MACF1: variants seen among roughly 807,000 people sequenced by gnomAD.
The protein encoded by MACF1 is microtubule-actin cross-linking factor 1.
In MACF1, 193 loss-of-function variants were observed where a neutral mutation model predicts 854.8. That is an observed-to-expected ratio of 0.23 (90% CI 0.20 to 0.25). The LOEUF (loss-of-function observed/expected upper bound fraction) is 0.25. MACF1 is among the 10% of genes least tolerant of loss of function. MACF1 has a pLI of 1.00. For synonymous variants in MACF1, 3,185 were observed against 3,226.7 expected, an observed-to-expected ratio of 0.99 and a Z score of 0.44; for missense variants, 7,722 against 8,929.1, an observed-to-expected ratio of 0.86 and a Z score of 5.45.
intron 6 of MACF1, among the ~76,000 whole-genome samples, chr1:39,280,407 G>A (rs1287849830): frequency 6.6e-6 from 1 of 152,074 alleles, no homozygotes; most frequent in Non-Finnish European, 1.5e-5. Context: ...GTTTCTGCTT[G>A]ACACGTCCAG....
chr1:39,129,207 A>C (rs1210327389), intron 2 of MACF1, among the ~76,000 whole-genome samples: 1 of 152,178 alleles, frequency 6.6e-6, no homozygotes, highest in Admixed American at 6.5e-5. Flanking sequence ...CGTAAATGAA[A>C]TACTTGTGCA....
At chr1:39,403,350 C>T (rs1020482559) in intron 58 of MACF1, among the ~76,000 whole-genome samples, 3 of 152,122 alleles carry the variant, frequency 2.0e-5, no homozygotes, top group African/African-American at 7.2e-5. Context: ...CTGCCTGTCT[C>T]GGCCTCCCAA....
chr1:39,403,997 TGTG>T (rs1008607140), intron 58 of MACF1, among the ~76,000 whole-genome samples: 2 of 151,878 alleles, frequency 1.3e-5, no homozygotes, highest in Non-Finnish European at 2.9e-5. Context: ...GGTGTGGTGG[TGTG>T]TGCCTGTAAT....
At position 39,331,955 on chromosome 1, in the gene MACF1, T is replaced by C; in HGVS notation, c.5367T>C (p.Ala1789=). ...RTGHRLTVEE[A]VRHNLIDQDM... ...GACACAGACTTACAGTGGAAGAGGC[T>C]GTAAGACATAATCTGATTGACCAAG... Residue 1789 remains alanine (A), a synonymous_variant, in exon 37 of 101, where the codon GCT becomes GCC. Transcript: ENST00000564288. The C allele has an allele frequency of 2.5e-6, 4 of 1,614,142 alleles. No individual in the cohort carries two copies. The highest frequency in any genetic ancestry group is 3.4e-6 in the Non-Finnish European group (4 of 1,180,020).
chr1:39,234,827 G>A (rs1444386984), intron 2 of MACF1, among the ~76,000 whole-genome samples: 2 of 42,830 alleles, frequency 4.7e-5, no homozygotes, highest in Non-Finnish European at 1.6e-4. Context: ...CCTCCCAGAC[G>A]GGGTCGCGGC....
At chr1:39,477,071 A>ATATACACTTAGTG (rs1557674951) in intron 97 of MACF1, among the ~76,000 whole-genome samples, 3 of 16,810 alleles carry the variant, frequency 1.8e-4, no homozygotes, top group Admixed American at 6.8e-4. Flanking sequence ...ATATATATAT[A>ATATACACTTAGTG]TATATATATA....
chr1:39,115,025 G>A (rs1366647328), intron 2 of MACF1, among the ~76,000 whole-genome samples: 1 of 152,124 alleles, frequency 6.6e-6, no homozygotes, highest in African/African-American at 2.4e-5. Context: ...TGTGAGGGAA[G>A]GAGAGATGAG....
At chr1:39,319,774 C>T (rs781556739) in intron 31 of MACF1, 27 bp downstream of exon 31, 11 of 1,496,046 alleles carry the variant, frequency 7.4e-6, no homozygotes, top group Non-Finnish European at 1.0e-5. Context: ...CCAAAAAGAA[C>T]ATGAATCATC....
At chr1:39,216,030 G>A (rs1369285261) in intron 1 of MACF1, among the ~76,000 whole-genome samples, 1 of 152,128 alleles carries the variant, frequency 6.6e-6, no homozygotes, top group African/African-American at 2.4e-5. Context: ...TTTAAGTAAT[G>A]TCCTGTGGCC....
intron 58 of MACF1, among the ~76,000 whole-genome samples, chr1:39,415,002 A>G (rs1251242363): frequency 6.6e-6 from 1 of 152,226 alleles, no homozygotes; most frequent in Non-Finnish European, 1.5e-5. Flanking sequence ...CATTTAAGGT[A>G]CCAAGCGTAT....
At chr1:39,405,116 G>A (rs915579050) in intron 58 of MACF1, among the ~76,000 whole-genome samples, 1 of 152,136 alleles carries the variant, frequency 6.6e-6, no homozygotes, top group Non-Finnish European at 1.5e-5. Flanking sequence ...ATGGGTTCAC[G>A]AGTACATGAG....
chr1:39,287,180 A>T, intron 14 of MACF1, 106 bp from the exon 15 acceptor site: 1 of 1,258,256 alleles, frequency 7.9e-7, no homozygotes, highest in Non-Finnish European at 1.1e-6. Flanking sequence ...AGGCTGGCTC[A>T]TTTTTATTTT....
intron 2 of MACF1, among the ~76,000 whole-genome samples, chr1:39,139,823 C>T (rs778510851): frequency 2.0e-5 from 3 of 152,102 alleles, no homozygotes; most frequent in Non-Finnish European, 2.9e-5. Context: ...AAAATGTTTT[C>T]ACATGTATTA....
chr1:39,230,825 A>C (rs990230920), intron 1 of MACF1, among the ~76,000 whole-genome samples: 1 of 152,142 alleles, frequency 6.6e-6, no homozygotes, highest in African/African-American at 2.4e-5. Flanking sequence ...GTGTGTCCCA[A>C]ATGCCAAGGC....
intron 58 of MACF1, chr1:39,410,188 A>C (rs878983239): frequency 2.3e-5 from 25 of 1,079,382 alleles, no homozygotes; most frequent in Non-Finnish European, 3.2e-5. Flanking sequence ...AGGATTTATA[A>C]CTTATGTAGA....
At chr1:39,341,800 A>G (rs998294414) in intron 40 of MACF1, among the ~76,000 whole-genome samples, 2 of 151,034 alleles carry the variant, frequency 1.3e-5, no homozygotes, top group East Asian at 1.9e-4. Flanking sequence ...GTTATTATCA[A>G]TCTCATCCTC....
At chr1:39,170,717 G>A (rs2148220637) in intron 2 of MACF1, among the ~76,000 whole-genome samples, 1 of 152,330 alleles carries the variant, frequency 6.6e-6, no homozygotes, top group East Asian at 1.9e-4. Flanking sequence ...AGTAAATAAA[G>A]CAAAGTCCTT....
chr1:39,434,522 A>G lies in MACF1; in HGVS notation c.17674A>G (p.Thr5892Ala), dbSNP rs1166113304. The G allele has an allele frequency of 6.2e-7, 1 of 1,614,128 alleles. No individual in the cohort carries two copies. Among genetic ancestry groups the G allele is most frequent in the Non-Finnish European group, 8.5e-7 (1 of 1,180,032 alleles). The change falls in exon 69 of 101, where the codon ACT (threonine) becomes GCT (alanine). Residue 5892 changes from threonine to alanine, a missense_variant. Thr to Ala is a moderately conservative substitution (Grantham distance 58). This residue lies in a region of MACF1 where 2,807 missense variants were observed against 3,235.8 expected (regional missense o/e 0.87). Transcript: ENST00000564288. The part of the protein sequence containing the change: ...AQVLVNQFWE[T>A]YEELSPWIEE... ...GGTCTTAGTAAACCAGTTTTGGGAA[A>G]CTTATGAAGAGCTCAGCCCCTGGAT... is the stretch of plus-strand genomic sequence containing the variant.
chr1:39,337,202 C>CT lies in MACF1; in HGVS notation c.10087dup (p.Cys3363LeufsTer5). 3 of 1,613,222 alleles carry CT rather than the reference C, an allele frequency of 1.9e-6. No individual in the cohort carries two copies. The highest frequency in any genetic ancestry group is 2.5e-6 in the Non-Finnish European group (3 of 1,179,612). On this transcript the variant is annotated frameshift_variant, in exon 38 of 101. Coordinates refer to ENST00000564288, the MANE Select transcript of MACF1 (RefSeq NM_001394062.1). LOFTEE classifies it high-confidence loss of function. ...CACAGAATGTATTTACCCGGCAACT[C>CT]TGTTTAGAACATGATGAAAAGCTAG... is the stretch of plus-strand genomic sequence containing the variant.
Sources: gnomAD v4.1 joint callset for allele counts (sites outside exome capture counted in the v4.1 genomes callset) on GRCh38, gnomAD v4.1.1 for gene constraint, gnomAD v4.1.1 regional missense constraint, MANE v1.5 for transcripts, NCBI Gene and HGNC (gene_info 2026-07-23, HGNC 2026-07-21) for gene names.